ITIH6: variants seen among roughly 807,000 people sequenced by gnomAD.
ITIH6 encodes the protein inter-alpha-trypsin inhibitor heavy chain H6.
A neutral mutation model predicts 58.2 loss-of-function variants in ITIH6; 60 were observed. The ratio of observed to expected loss-of-function variants is 1.03; its 90% CI spans 0.84 to 1.28. The LOEUF is 1.28. Among genes scored for constraint, ITIH6 ranks in the 50% most tolerant of loss-of-function variants. The pLI, the probability that ITIH6 is intolerant of heterozygous loss-of-function variation, is 0.00. For missense variants in ITIH6, 1,290 were observed against 1,021.1 expected (o/e 1.26, Z -3.59); for synonymous variants, 493 against 417.4 (o/e 1.18, Z -2.21).
At chrX:54,750,413 A>G (rs1928329403) in intron 12 of ITIH6, among the ~76,000 whole-genome samples, 1 of 110,913 alleles carries the variant, frequency 9.0e-6, no homozygotes, top group Non-Finnish European at 1.9e-5. Flanking sequence ...AGAGGAGGTA[A>G]AAATATCTGT....
chrX:54,768,046 C>G (rs1372165942), intron 6 of ITIH6, among the ~76,000 whole-genome samples: 3 of 100,767 alleles, frequency 3.0e-5, no homozygotes, highest in Non-Finnish European at 5.8e-5. Flanking sequence ...GTAGGTCACT[C>G]AGGACATGCT....
rs112518374 is a variant in ITIH6, at chrX:54,750,219, G to A, written c.3731-113C>T. 1.1e-3 allele frequency: 635 copies of A among 568,034 alleles called. 5 individuals are homozygous for A. The African/African-American group carries it at 0.012, about 11-fold the overall frequency. 46.8% of individuals were successfully genotyped at this position (568,034 alleles called of 1,213,427 possible). A position where few individuals can be genotyped will look rare whatever the true frequency, so the allele number is the denominator to read the frequency against. On this transcript the variant is annotated intron_variant, in intron 12 of 12. Coordinates refer to ENST00000218436, the MANE Select transcript of ITIH6 (RefSeq NM_198510.3). ...GGGATTTAAAGGAGGAAGAAGGAGG[G>A]GCAGCAAAAGACCAGAGGGAAGAGG...
intron 12 of ITIH6, 84 bp from the exon 13 acceptor site, chrX:54,750,190 C>T (rs1205329058): frequency 1.3e-6 from 1 of 755,724 alleles, no homozygotes; most frequent in Non-Finnish European, 1.9e-6. Flanking sequence ...GCAGGAAATC[C>T]AGAGGGATTT....
intron 5 of ITIH6, among the ~76,000 whole-genome samples, chrX:54,784,385 TAAAC>T (rs747574341): frequency 2.1e-4 from 23 of 111,322 alleles, no homozygotes; most frequent in Middle Eastern, 4.6e-3. Context: ...AGGGAAATGA[TAAAC>T]AAAGTGAAGA....
chrX:54,757,694 G>A lies in ITIH6; in HGVS notation c.2380C>T (p.Leu794Phe). The A allele has an allele frequency of 8.3e-7, 1 of 1,211,147 alleles. No homozygotes were observed. Among genetic ancestry groups the A allele is most frequent in the Non-Finnish European group, 1.1e-6 (1 of 895,112 alleles). Residue 794 changes from leucine (L) to phenylalanine (F), a missense_variant, in exon 8 of 13, where the codon CTT (leucine) becomes TTT (phenylalanine). Leu to Phe is a conservative substitution (Grantham distance 22). Transcript: ENST00000218436. ...GGTGCCTGTGATGTGAGTGCCCCAA[G>A]TTGGGGGTGCGATGGAGCACCAGGT... is the stretch of plus-strand genomic sequence containing the variant. ...SKPGAPSHPQ[L>F]GALTSQAPKG...
At chrX:54,775,413 A>G (rs1929032848) in intron 5 of ITIH6, among the ~76,000 whole-genome samples, 1 of 110,692 alleles carries the variant, frequency 9.0e-6, no homozygotes, top group Non-Finnish European at 1.9e-5. Flanking sequence ...GAGAATTAAG[A>G]GCATGGAGCC....
At position 54,791,115 on chromosome X, in the gene ITIH6, G is replaced by A. The variant is rs752377693; in HGVS notation, c.369-31C>T. On this transcript the variant is annotated intron_variant, in intron 3 of 12. Coordinates refer to ENST00000218436, the MANE Select transcript of ITIH6 (RefSeq NM_198510.3). ...CAGGAAAGGGAGGATGGTGGGAAGA[G>A]AAAGGGACCTTCAGAGGAGTACAGG... 5.0e-6 allele frequency: 6 copies of A among 1,202,163 alleles called. No homozygotes were observed. In the African/African-American group the frequency reaches 7.0e-5, roughly 14 times the overall value.
chrX:54,753,290 G>A (rs1395920149), intron 11 of ITIH6, among the ~76,000 whole-genome samples: 1 of 112,503 alleles, frequency 8.9e-6, no homozygotes, highest in Non-Finnish European at 1.9e-5. Context: ...AGTTCTTTAG[G>A]GATGGACTAA....
At chrX:54,763,378 A>T (rs181821013) in intron 6 of ITIH6, among the ~76,000 whole-genome samples, 86 of 111,636 alleles carry the variant, frequency 7.7e-4, no homozygotes, top group African/African-American at 2.7e-3. Flanking sequence ...AGAGCCTATG[A>T]GGTCCTAGAA....
chrX:54,756,553 AC>A (rs1928488282), intron 8 of ITIH6, among the ~76,000 whole-genome samples: 2 of 110,863 alleles, frequency 1.8e-5, no homozygotes, highest in Admixed American at 1.9e-4. Context: ...CAATTCTTCT[AC>A]CCCTGTCATT....
rs758484998 is a variant in ITIH6, at chrX:54,774,198, C to G, written c.787-1G>C. ...AGTGAATGAAATAGTCATCGTAAAT[C>G]TGGACCAAAAAAAAAAAAAAAAAAG... is the stretch of plus-strand genomic sequence containing the variant. On this transcript the variant is annotated splice_acceptor_variant, in intron 5 of 12. Transcript: ENST00000218436. LOFTEE classifies it high-confidence loss of function. 1 of 777,736 alleles carries G rather than the reference C, an allele frequency of 1.3e-6. No individual in the cohort carries two copies. Among genetic ancestry groups the G allele is most frequent in the East Asian group, 3.7e-5 (1 of 27,016 alleles). 64.1% of individuals were successfully genotyped at this position (777,736 alleles called of 1,213,427 possible).
chrX:54,770,339 A>C (rs367690163), intron 6 of ITIH6, among the ~76,000 whole-genome samples: 63 of 112,569 alleles, frequency 5.6e-4, no homozygotes, highest in East Asian at 2.0e-3. Flanking sequence ...CACCCGTCTT[A>C]TGCGTCGCTC....
intron 2 of ITIH6, among the ~76,000 whole-genome samples, chrX:54,793,088 C>T (rs1475133588): frequency 9.0e-6 from 1 of 111,513 alleles, no homozygotes; most frequent in African/African-American, 3.3e-5. Flanking sequence ...TATGTATCTC[C>T]AGTGTGGACT....
At chrX:54,788,302 G>T (rs900781910) in intron 5 of ITIH6, among the ~76,000 whole-genome samples, 178 bp downstream of exon 5, 20 of 111,546 alleles carry the variant, frequency 1.8e-4, no homozygotes, top group Non-Finnish European at 2.8e-4. Context: ...CCAACCCTTT[G>T]GGGGATTTGA....
At chrX:54,791,336 A>C (rs1259456808) in intron 3 of ITIH6, among the ~76,000 whole-genome samples, 2 of 109,053 alleles carry the variant, frequency 1.8e-5, no homozygotes, top group Non-Finnish European at 3.8e-5. Context: ...TCCACCCTTA[A>C]GGGAACTTAG....
chrX:54,758,252 G>T lies in ITIH6; in HGVS notation c.1822C>A (p.Leu608Met). The change falls in exon 8 of 13, where the codon CTG becomes ATG. Residue 608 changes from leucine to methionine, a missense_variant. Physicochemically the swap from Leu to Met is conservative, Grantham distance 15. Coordinates refer to ENST00000218436, the MANE Select transcript of ITIH6 (RefSeq NM_198510.3). ...GCCTGTTTGGGTTGCACCATGACCAGTGAAGTCAGAGGTGTGACAAAGTTG... is the reference window on the plus strand; with the variant it reads ...GCCTGTTTGGGTTGCACCATGACCATTGAAGTCAGAGGTGTGACAAAGTTG... The part of the protein sequence containing the change: ...EYNFVTPLTS[L>M]VMVQPKQASE... 8.3e-7 allele frequency: 1 copy of T among 1,211,198 alleles called. No homozygotes were observed.
At chrX:54,759,693 G>T in intron 7 of ITIH6, 63 bp downstream of exon 7, 2 of 953,546 alleles carry the variant, frequency 2.1e-6, no homozygotes, top group Non-Finnish European at 2.9e-6. Context: ...ATGAAGAGAG[G>T]GTTTCAGGAA....
chrX:54,791,417 T>G lies in ITIH6; in HGVS notation c.369-333A>C, dbSNP rs746383444. On this transcript the variant is annotated intron_variant, in intron 3 of 12. Transcript: ENST00000218436. ...TTCATTTTACAAAAGAGTTTTCAAT[T>G]TACATACAATGCCTCAGCCCCTTCA... Among the ~76,000 whole-genome samples, 151 of 110,199 alleles carry G rather than the reference T, an allele frequency of 1.4e-3. 2 individuals carry two copies. The highest frequency in any genetic ancestry group is 4.4e-3 in the African/African-American group (134 of 30,233).
At chrX:54,756,064 G>A (rs911665174) in intron 8 of ITIH6, among the ~76,000 whole-genome samples, 4 of 110,950 alleles carry the variant, frequency 3.6e-5, no homozygotes, top group African/African-American at 1.3e-4. Context: ...GGAAGTGGAT[G>A]GATTTGGTAA....
Sources: allele counts gnomAD v4.1 joint callset (sites outside exome capture counted in the v4.1 genomes callset), GRCh38; gene constraint gnomAD v4.1.1; transcripts MANE v1.5; gene names NCBI Gene and HGNC (gene_info 2026-07-23, HGNC 2026-07-21).